HDX: variants seen among roughly 807,000 people sequenced by gnomAD.
HDX encodes highly divergent homeobox, also known as chromosome X open reading frame 43.
In HDX, 19 loss-of-function variants were observed where a neutral mutation model predicts 45.2. That is an observed-to-expected ratio of 0.42 (90% CI 0.29 to 0.62). HDX has a LOEUF of 0.62. Among genes scored for constraint, HDX ranks in the 20% least tolerant of loss-of-function variants. HDX has a pLI of 0.20. For synonymous variants in HDX, 188 were observed against 172.8 expected (o/e 1.09, Z -0.69); for missense variants, 532 against 493.9 (o/e 1.08, Z -0.73).
chrX:84,348,329 A>G (rs1424173879), intron 6 of HDX, among the ~76,000 whole-genome samples: 2 of 110,993 alleles, frequency 1.8e-5, no homozygotes, highest in East Asian at 5.7e-4. Flanking sequence ...CTTTCTTAGA[A>G]TGTTCATGCC....
intron 5 of HDX, among the ~76,000 whole-genome samples, chrX:84,436,097 C>T (rs1186311724): frequency 2.2e-4 from 19 of 87,764 alleles, no homozygotes; most frequent in African/African-American, 7.9e-4. Context: ...ACTATGCAGC[C>T]ATAAAAAATG....
At chrX:84,478,261 G>C (rs999331932) in intron 2 of HDX, among the ~76,000 whole-genome samples, 5 of 111,824 alleles carry the variant, frequency 4.5e-5, no homozygotes, top group African/African-American at 1.6e-4. Flanking sequence ...TGAAGACTCT[G>C]AGACATTGAG....
At chrX:84,484,819 C>T (rs2040756770) in intron 2 of HDX, among the ~76,000 whole-genome samples, 1 of 111,605 alleles carries the variant, frequency 9.0e-6, no homozygotes, top group Admixed American at 9.5e-5. Flanking sequence ...CTTCATTTGG[C>T]TTTGTTTGGA....
In HDX at chrX:84,408,768, C is replaced by T. The variant is rs190200927; in HGVS notation, c.1305+31764G>A. Among the ~76,000 whole-genome samples, 49 of 109,494 alleles carry T rather than the reference C, an allele frequency of 4.5e-4. 1 individual carries two copies. The East Asian group carries it at 0.01, about 23-fold the overall frequency. ...CAGTGTTTTGTACTTCTCTGTGTAG[C>T]GATCTTCCACCTCCTTGGTTAGCTG... On this transcript the variant is annotated intron_variant, in intron 5 of 10. Transcript: ENST00000373177.
At chrX:84,406,469 TACACACACAC>T (rs369018765) in intron 5 of HDX, among the ~76,000 whole-genome samples, 2 of 86,536 alleles carry the variant, frequency 2.3e-5, no homozygotes, top group Non-Finnish European at 4.5e-5. Flanking sequence ...TAATCTCACA[TACACACACAC>T]ACACACACAC....
intron 5 of HDX, among the ~76,000 whole-genome samples, chrX:84,385,217 T>A (rs1408217956): frequency 1.4e-5 from 1 of 69,094 alleles, no homozygotes; most frequent in Non-Finnish European, 2.7e-5. Flanking sequence ...TTTTTTTTTT[T>A]TTTTTTTTTT....
intron 1 of HDX, among the ~76,000 whole-genome samples, chrX:84,488,789 GT>G (rs2040842448): frequency 8.9e-6 from 1 of 111,855 alleles, no homozygotes; most frequent in East Asian, 2.8e-4. Flanking sequence ...AAAATAAAGT[GT>G]TTTTATAAGA....
At chrX:84,437,226 A>G (rs1338387655) in intron 5 of HDX, among the ~76,000 whole-genome samples, 1 of 111,314 alleles carries the variant, frequency 9.0e-6, no homozygotes, top group Non-Finnish European at 1.9e-5. Flanking sequence ...CAAACATTAT[A>G]TAGTAATAAA....
intron 8 of HDX, among the ~76,000 whole-genome samples, chrX:84,334,764 AAACCCTGCC>A: frequency 9.1e-6 from 1 of 110,428 alleles, no homozygotes; most frequent in East Asian, 2.9e-4. Context: ...TTAAATATTT[AAACCCTGCC>A]AACCCAAAGA....
intron 5 of HDX, among the ~76,000 whole-genome samples, chrX:84,362,245 T>A (rs2037639905): frequency 9.0e-6 from 1 of 111,342 alleles, no homozygotes; most frequent in South Asian, 3.8e-4. Context: ...CTTTATCCAA[T>A]AAACTATCGG....
In HDX at chrX:84,318,678, A is replaced by T. The variant is rs1410864342; in HGVS notation, c.*3211T>A. On this transcript the variant is annotated 3_prime_UTR_variant, in exon 11 of 11. Transcript: ENST00000373177. ...AGACTGCTGAATATGAAAGTGCCTC[A>T]CAATAGATGTTGCTGTCTTTGGAGA... 1.8e-5 allele frequency: 2 copies of T among 111,449 alleles called. No homozygotes were observed. Among genetic ancestry groups the T allele is most frequent in the African/African-American group, 3.2e-5 (1 of 30,843 alleles). The allele number at this position is 111,449 out of a possible 1,213,427, so 9.2% of individuals were successfully genotyped here.
At chrX:84,496,493 A>G (rs1319875046) in intron 1 of HDX, among the ~76,000 whole-genome samples, 1 of 109,670 alleles carries the variant, frequency 9.1e-6, no homozygotes, top group East Asian at 2.9e-4. Flanking sequence ...TCATGCTACC[A>G]CTCTATGGAA....
rs758187900 is a variant in HDX at position 84,395,704 on chromosome X, C to A, written c.1306-34092G>T. Among the ~76,000 whole-genome samples the A allele has an allele frequency of 2.7e-5, 3 of 111,509 alleles. No individual in the cohort carries two copies. In the East Asian group the frequency reaches 8.5e-4, roughly 32 times the overall value. On this transcript the variant is annotated intron_variant, in intron 5 of 10. Transcript: ENST00000373177. ...TTTTTCTTTACCTCCTGGGACTCCA[C>A]AAATTTGAATATTTGGTCCCTTTAT...
In HDX at chrX:84,321,977, A is replaced by T; in HGVS notation, c.1985T>A (p.Met662Lys). Residue 662 changes from methionine (M) to lysine (K), a missense_variant, in exon 11 of 11, where the codon ATG becomes AAG. Met to Lys is a moderately conservative substitution (Grantham distance 95). This residue lies in a region of HDX where 151 missense variants were observed against 131.8 expected (regional missense o/e 1.15). Transcript: ENST00000373177. ...CTCCAGTGAGGCATGATTGAAATCCATTTCCTCTAATTCAGGAGGTAAATC... is the reference window on the plus strand; with the variant it reads ...CTCCAGTGAGGCATGATTGAAATCCTTTTCCTCTAATTCAGGAGGTAAATC... Reference protein sequence around the residue: ...LSDLPPELEEMDFNHASLEPD... With the variant: ...LSDLPPELEEKDFNHASLEPD... The T allele has an allele frequency of 8.5e-7, 1 of 1,179,595 alleles. No homozygotes were observed. Among genetic ancestry groups the T allele is most frequent in the African/African-American group, 1.8e-5 (1 of 56,968 alleles).
At chrX:84,353,472 G>A (rs1162554301) in intron 6 of HDX, among the ~76,000 whole-genome samples, 1 of 111,502 alleles carries the variant, frequency 9.0e-6, no homozygotes, top group Non-Finnish European at 1.9e-5. Flanking sequence ...TAGCTGTCTA[G>A]GAAGTGGGCT....
At chrX:84,330,183 T>C (rs1221742116) in intron 9 of HDX, among the ~76,000 whole-genome samples, 4 of 111,189 alleles carry the variant, frequency 3.6e-5, no homozygotes, top group Non-Finnish European at 7.6e-5. Flanking sequence ...CAACTCTTAC[T>C]TGTCAGTTTA....
intron 8 of HDX, among the ~76,000 whole-genome samples, chrX:84,334,742 G>C (rs930106613): frequency 1.9e-5 from 2 of 102,705 alleles, no homozygotes; most frequent in African/African-American, 7.1e-5. Flanking sequence ...ACACAGTCAA[G>C]AAAAAACTCC....
chrX:84,367,897 G>A (rs1261989787), intron 5 of HDX, among the ~76,000 whole-genome samples: 2 of 111,681 alleles, frequency 1.8e-5, no homozygotes, highest in African/African-American at 6.5e-5. Flanking sequence ...AATACCTAAT[G>A]TAGATGACGG....
chrX:84,354,956 T>TACACACAC (rs2037444844), intron 6 of HDX, among the ~76,000 whole-genome samples: 1 of 92,301 alleles, frequency 1.1e-5, no homozygotes, highest in African/African-American at 4.0e-5. Context: ...TATATATATA[T>TACACACAC]ATATATATAT....
Sources: allele counts gnomAD v4.1 joint callset (sites outside exome capture counted in the v4.1 genomes callset), GRCh38; gene constraint gnomAD v4.1.1; regional missense constraint gnomAD v4.1.1; transcripts MANE v1.5; gene names NCBI Gene and HGNC (gene_info 2026-07-23, HGNC 2026-07-21).